Variants in CACNA2D4 observed in about 807,000 individuals in gnomAD.
CACNA2D4 encodes the protein voltage-dependent calcium channel subunit alpha-2/delta-4.
Under a neutral mutation model 163.8 loss-of-function variants are expected in CACNA2D4, and 157 were observed. That is an observed-to-expected ratio of 0.96 (90% CI 0.84 to 1.09). The LOEUF (loss-of-function observed/expected upper bound fraction) is 1.09. Among genes scored for constraint, CACNA2D4 ranks in the 50% least tolerant of loss-of-function variants. The probability of loss-of-function intolerance (pLI) is 0.00; values close to 1 mark genes in which losing one functional copy is unlikely to be tolerated. For synonymous variants in CACNA2D4, 598 were observed against 586.9 expected (o/e 1.02, Z -0.27); for missense variants, 1,410 against 1,479.9 (o/e 0.95, Z 0.78).
chr12:1,834,718 C>T lies in CACNA2D4; in HGVS notation c.2551+6021G>A, dbSNP rs1235758212. 1 of 1,586,404 alleles carries T rather than the reference C, an allele frequency of 6.3e-7. No individual in the cohort carries two copies. The highest frequency in any genetic ancestry group is 2.2e-5 in the East Asian group (1 of 44,524). On this transcript the variant is annotated intron_variant, in intron 26 of 37. Transcript: ENST00000382722. This position sits in a 1 kb window ranked among gnomAD's most constrained non-coding sequence, Gnocchi z 7.6. ...ACCAGAAGCAGATCTCTTCTGTGGC[C>T]TGAGCGCCCATCCCCACCCGGCCAG...
At chr12:1,851,971 T>C (rs1329214372) in intron 23 of CACNA2D4, among the ~76,000 whole-genome samples, 1 of 152,206 alleles carries the variant, frequency 6.6e-6, no homozygotes, top group Non-Finnish European at 1.5e-5. Context: ...TGTAGTCTTA[T>C]AACTTTATCA....
In CACNA2D4 at chr12:1,887,248, T is replaced by A. The variant is rs577845546; in HGVS notation, c.782-179A>T. The stretch of plus-strand genomic sequence containing the variant: ...ACTGAGACAAGCTGGCAAGGAGACA[T>A]CTACCAGCCAAACTGCCCAGATGCA... On this transcript the variant is annotated intron_variant, in intron 6 of 37. Coordinates refer to ENST00000382722, the MANE Select transcript of CACNA2D4 (RefSeq NM_172364.5). Among the ~76,000 whole-genome samples the A allele has an allele frequency of 3.9e-5, 6 of 152,222 alleles. No individual in the cohort carries two copies. In the South Asian group the frequency reaches 1.2e-3, roughly 32 times the overall value.
At chr12:1,863,166 G>A (rs1164342032) in intron 18 of CACNA2D4, among the ~76,000 whole-genome samples, 2 of 152,116 alleles carry the variant, frequency 1.3e-5, no homozygotes, top group African/African-American at 4.8e-5. Context: ...GTTGTTCTAG[G>A]ACCATCTGTT....
chr12:1,918,095 T>C (rs1363064625), intron 1 of CACNA2D4, 152 bp downstream of exon 1: 2 of 653,836 alleles, frequency 3.1e-6, no homozygotes, highest in Non-Finnish European at 5.4e-6. Flanking sequence ...CAAAGGGCTT[T>C]ACAGCAAGAG....
chr12:1,886,653 G>C (rs115296949), intron 7 of CACNA2D4, among the ~76,000 whole-genome samples: 183 of 152,332 alleles, frequency 1.2e-3, no homozygotes, highest in African/African-American at 4.3e-3. Flanking sequence ...GGTCCCTGAG[G>C]GGCTGGCAGC....
chr12:1,856,488 GC>G (rs1865402716), intron 20 of CACNA2D4, among the ~76,000 whole-genome samples: 1 of 152,230 alleles, frequency 6.6e-6, no homozygotes, highest in South Asian at 2.1e-4. Context: ...TCAATGAGCT[GC>G]CCAGCCAGTG....
chr12:1,901,833 C>A (rs1376578357), intron 6 of CACNA2D4, among the ~76,000 whole-genome samples: 1 of 152,072 alleles, frequency 6.6e-6, no homozygotes, highest in Non-Finnish European at 1.5e-5. Context: ...GAAGGAAATA[C>A]TTCCAAACTC....
Position 1,854,057 on chromosome 12 carries a change from C to T in CACNA2D4, c.2153-13G>A, listed in dbSNP as rs376608141. 3 of 1,596,778 alleles carry T rather than the reference C, an allele frequency of 1.9e-6. No individual in the cohort carries two copies. The highest frequency in any genetic ancestry group is 2.7e-5 in the African/African-American group (2 of 74,534). Reference sequence around the variant, plus strand: ...AGCTCCTCGTCACCTGGGTGCAAAACATCAGGGAACCAGGCCACATGCTTC... The same window carrying T: ...AGCTCCTCGTCACCTGGGTGCAAAATATCAGGGAACCAGGCCACATGCTTC... On this transcript the variant is annotated splice_polypyrimidine_tract_variant and intron_variant, in intron 22 of 37. Transcript: ENST00000382722.
intron 26 of CACNA2D4, among the ~76,000 whole-genome samples, chr12:1,839,214 C>G (rs184870442): frequency 2.0e-5 from 3 of 152,300 alleles, no homozygotes; most frequent in East Asian, 3.9e-4. Context: ...GCCAGGGCCT[C>G]GGTTACAAGG....
At position 1,883,409 on chromosome 12, in the gene CACNA2D4, G is replaced by C. The variant is rs1592732416; in HGVS notation, c.1352-409C>G. 1.3e-5 allele frequency among the ~76,000 whole-genome samples: 2 copies of C among 152,314 alleles called. No individual in the cohort carries two copies. The highest frequency in any genetic ancestry group is 3.9e-4 in the East Asian group (2 of 5,178). ...TTCAGGGAACCCAATCAGAGGCAGAGATTTCTGCCTCTCCGCTCCTCCTTC... is the reference window on the plus strand; with the variant it reads ...TTCAGGGAACCCAATCAGAGGCAGACATTTCTGCCTCTCCGCTCCTCCTTC... On this transcript the variant is annotated intron_variant, in intron 12 of 37. Coordinates refer to ENST00000382722, the MANE Select transcript of CACNA2D4 (RefSeq NM_172364.5). The surrounding 1 kb of genome is among the most constrained non-coding windows in gnomAD (Gnocchi z 4.5).
At chr12:1,811,032 T>G (rs1052024537) in intron 27 of CACNA2D4, among the ~76,000 whole-genome samples, 1 of 152,250 alleles carries the variant, frequency 6.6e-6, no homozygotes, top group Non-Finnish European at 1.5e-5. Context: ...GCACTGGCTG[T>G]CTGGTTGAGG....
At chr12:1,911,355 G>A (rs1038271900) in intron 3 of CACNA2D4, among the ~76,000 whole-genome samples, 2 of 151,908 alleles carry the variant, frequency 1.3e-5, no homozygotes, top group Admixed American at 6.6e-5. Context: ...GGCCAGCATC[G>A]CAGAGTGTCA....
intron 26 of CACNA2D4, among the ~76,000 whole-genome samples, chr12:1,821,874 C>G (rs1258241262): frequency 6.6e-6 from 1 of 152,102 alleles, no homozygotes; most frequent in African/African-American, 2.4e-5. Context: ...GGTGTTGGCA[C>G]CCGGCTGTCA....
chr12:1,864,914 C>T (rs1389184850), intron 18 of CACNA2D4, among the ~76,000 whole-genome samples: 2 of 152,076 alleles, frequency 1.3e-5, no homozygotes, highest in African/African-American at 4.8e-5. Context: ...GTAGGAAAAT[C>T]CGGCTAGAAC....
chr12:1,837,898 C>G (rs903076039), intron 26 of CACNA2D4, among the ~76,000 whole-genome samples: 2 of 152,192 alleles, frequency 1.3e-5, no homozygotes, highest in African/African-American at 2.4e-5. Context: ...TAGAAGCCCT[C>G]AAAGGTCTGA....
chr12:1,826,276 G>C (rs1318820547), intron 26 of CACNA2D4, among the ~76,000 whole-genome samples: 4 of 152,084 alleles, frequency 2.6e-5, no homozygotes, highest in African/African-American at 9.7e-5. Context: ...CCCTTCACTA[G>C]ATTGATCCTC....
rs767536209 is a variant in CACNA2D4 at position 1,887,021 on chromosome 12, CG to C, written c.829del (p.Arg277GlufsTer16). On this transcript the variant is annotated frameshift_variant, in exon 7 of 38. Transcript: ENST00000382722. LOFTEE classifies it high-confidence loss of function. ...DENGVITFDCRNRGWYIQAAT... is the reference protein window; with the variant it reads ...DENGVITFDCXNRGWYIQAAT... Reference sequence around the variant, plus strand: ...TGTGAGCTCTTACCAGCCGCGGTTTCGGCAGTCAAAAGTAATGACTCCATTC... The same window carrying C: ...TGTGAGCTCTTACCAGCCGCGGTTTCGCAGTCAAAAGTAATGACTCCATTC... 1 of 1,590,528 alleles carries C rather than the reference CG, an allele frequency of 6.3e-7. No homozygotes were observed. The highest frequency in any genetic ancestry group is 8.6e-7 in the Non-Finnish European group (1 of 1,164,376).
At chr12:1,821,636 G>A (rs372760965) in intron 26 of CACNA2D4, among the ~76,000 whole-genome samples, 66 of 152,288 alleles carry the variant, frequency 4.3e-4, no homozygotes, top group African/African-American at 1.5e-3. Context: ...GTACACAGCG[G>A]GGCCAGGCCT....
Position 1,879,039 on chromosome 12 carries a change from G to A in CACNA2D4, c.1564-3C>T. On this transcript the variant is annotated splice_region_variant and splice_polypyrimidine_tract_variant and intron_variant, in intron 14 of 37. Coordinates refer to ENST00000382722, the MANE Select transcript of CACNA2D4 (RefSeq NM_172364.5). ...CCCAGGAGAATGCCATGGGATCGCT[G>A]GAAGGAAAGACACAAGGGGTGGGGG... The A allele has an allele frequency of 6.2e-7, 1 of 1,613,424 alleles. No individual in the cohort carries two copies. Among genetic ancestry groups the A allele is most frequent in the Non-Finnish European group, 8.5e-7 (1 of 1,179,522 alleles).
Sources: gnomAD v4.1 joint callset for allele counts (sites outside exome capture counted in the v4.1 genomes callset) on GRCh38, gnomAD v4.1.1 for gene constraint, Gnocchi (gnomAD v3.1) non-coding constraint, MANE v1.5 for transcripts, NCBI Gene and HGNC (gene_info 2026-07-23, HGNC 2026-07-21) for gene names.